Variants in STK31 observed in about 807,000 individuals in gnomAD.
STK31 encodes the protein serine/threonine kinase 31.
STK31 carries 89 observed loss-of-function variants against 129.7 expected under a neutral mutation model. That is an observed-to-expected ratio of 0.69 (90% CI 0.58 to 0.82). STK31 has a LOEUF of 0.82. STK31 is among the 40% of genes least tolerant of loss of function. The pLI is 0.00. For missense variants in STK31, 1,187 were observed against 1,176.4 expected (o/e 1.01, Z -0.13); for synonymous variants, 448 against 395.3 (o/e 1.13, Z -1.58).
chr7:23,812,584 A>C (rs80257269), intron 22 of STK31, among the ~76,000 whole-genome samples: 1,646 of 152,042 alleles, frequency 0.011, 29 homozygotes, highest in African/African-American at 0.036. Flanking sequence ...ATATTGTTTA[A>C]TGGTGAAGTC....
At chr7:23,774,094 C>T (rs1790377342) in intron 15 of STK31, among the ~76,000 whole-genome samples, 1 of 152,102 alleles carries the variant, frequency 6.6e-6, no homozygotes, top group Admixed American at 6.5e-5. Flanking sequence ...ATCCATGTCC[C>T]TGCAAAGGAC....
At chr7:23,766,667 T>C (rs1404256936) in intron 11 of STK31, among the ~76,000 whole-genome samples, 2 of 152,186 alleles carry the variant, frequency 1.3e-5, no homozygotes, top group Non-Finnish European at 2.9e-5. Flanking sequence ...TCAGAACATG[T>C]TTATGTTTTG....
At chr7:23,722,808 C>G (rs1054725197) in intron 4 of STK31, 1 of 94,524 alleles carries the variant, frequency 1.1e-5, no homozygotes, top group Non-Finnish European at 2.8e-5. Context: ...CCCCCAGCCT[C>G]GCCGCCGCCT....
intron 6 of STK31, among the ~76,000 whole-genome samples, chr7:23,734,589 T>C (rs555785988): frequency 1.2e-4 from 19 of 152,300 alleles, no homozygotes; most frequent in African/African-American, 4.6e-4. Flanking sequence ...ATTCAGTAGC[T>C]CAAAGTTAGC....
intron 13 of STK31, among the ~76,000 whole-genome samples, chr7:23,770,042 T>C (rs1412012511): frequency 3.9e-5 from 6 of 152,200 alleles, no homozygotes; most frequent in Admixed American, 3.9e-4. Flanking sequence ...GTGGACAATC[T>C]TGTCTATATT....
chr7:23,712,896 G>A (rs1451506130), intron 3 of STK31, among the ~76,000 whole-genome samples: 2 of 152,140 alleles, frequency 1.3e-5, no homozygotes, highest in African/African-American at 4.8e-5. Flanking sequence ...AACTATACAT[G>A]ATACGGAAGG....
intron 4 of STK31, among the ~76,000 whole-genome samples, chr7:23,718,031 C>T (rs1052695835): frequency 7.9e-5 from 12 of 152,024 alleles, no homozygotes; most frequent in Non-Finnish European, 5.9e-5. Context: ...GCGAAGGTTG[C>T]AGAACAGTAT....
chr7:23,737,333 C>T (rs1471542318), intron 8 of STK31, among the ~76,000 whole-genome samples: 1 of 152,154 alleles, frequency 6.6e-6, no homozygotes, highest in South Asian at 2.1e-4. Flanking sequence ...TCAACTAAGG[C>T]AATTTTCAAA....
intron 20 of STK31, among the ~76,000 whole-genome samples, 196 bp downstream of exon 20, chr7:23,787,120 A>T (rs1584446885): frequency 6.6e-6 from 1 of 152,296 alleles, no homozygotes; most frequent in Non-Finnish European, 1.5e-5. Context: ...AGATTAAGTG[A>T]CTTGCACAGG....
intron 8 of STK31, among the ~76,000 whole-genome samples, chr7:23,739,598 C>T (rs1378034463): frequency 2.0e-5 from 3 of 152,036 alleles, no homozygotes; most frequent in Non-Finnish European, 4.4e-5. Context: ...AGGGTTTTTA[C>T]TGTTTGGGGT....
chr7:23,778,913 G>C lies in STK31; in HGVS notation c.1966-2506G>C, dbSNP rs1360356553. On this transcript the variant is annotated intron_variant, in intron 15 of 23. Transcript: ENST00000355870. ...TGTGATCCTTTGGAGGAGAAAAGAT[G>C]TTCTGGTTTTTGAAATTTTCACCCT... Among the ~76,000 whole-genome samples the C allele has an allele frequency of 4.6e-5, 7 of 152,058 alleles. No individual in the cohort carries two copies. In the South Asian group the frequency reaches 1.5e-3, roughly 32 times the overall value.
chr7:23,749,984 AG>A (rs2128090787), intron 8 of STK31, among the ~76,000 whole-genome samples: 1 of 145,486 alleles, frequency 6.9e-6, no homozygotes, highest in East Asian at 2.1e-4. Context: ...TCAGCAGGTT[AG>A]GCTCTGCTTA....
At position 23,712,153 on chromosome 7, in the gene STK31, C is replaced by T. The variant is rs1444420881; in HGVS notation, c.97+8C>T. 1 of 1,613,110 alleles carries T rather than the reference C, an allele frequency of 6.2e-7. No individual in the cohort carries two copies. The highest frequency in any genetic ancestry group is 2.2e-5 in the East Asian group (1 of 44,858). On this transcript the variant is annotated splice_region_variant and intron_variant, in intron 2 of 23. Transcript: ENST00000355870. The stretch of plus-strand genomic sequence containing the variant: ...ATACACATTACGATAAAGGTACTGA[C>T]ACTAAAAATTATTTTGGGGTGTAAG...
intron 23 of STK31, among the ~76,000 whole-genome samples, chr7:23,820,390 C>T (rs6461740): frequency 0.76 from 115,877 of 152,054 alleles, 44,743 homozygotes; most frequent in African/African-American, 0.88. Context: ...ACTGTACTTA[C>T]TTATTTCATA....
intron 8 of STK31, among the ~76,000 whole-genome samples, chr7:23,738,481 G>A (rs1787852286): frequency 1.3e-5 from 2 of 152,054 alleles, no homozygotes; most frequent in South Asian, 2.1e-4. Context: ...TCTGCCTCCC[G>A]GACTCAAGCA....
rs189641675 is a variant in STK31 at position 23,753,641 on chromosome 7, C to T, written c.1134-674C>T. ...CGTTTGTTATTGTTTGTTTTTGAAC[C>T]TGTGGTGGTAGGGGGCGCTTCTTAG... On this transcript the variant is annotated intron_variant, in intron 9 of 23. Transcript: ENST00000355870. 3.0e-3 allele frequency among the ~76,000 whole-genome samples: 463 copies of T among 152,298 alleles called. 4 individuals are homozygous for T. The highest frequency in any genetic ancestry group is 0.01 in the African/African-American group (421 of 41,570).
intron 10 of STK31, among the ~76,000 whole-genome samples, chr7:23,757,506 T>G (rs965175556): frequency 6.6e-6 from 1 of 151,916 alleles, no homozygotes; most frequent in Non-Finnish European, 1.5e-5. Context: ...ATAAACAAGG[T>G]TAGAAAATGT....
intron 22 of STK31, 124 bp downstream of exon 22, chr7:23,791,070 A>T: frequency 9.8e-6 from 10 of 1,017,082 alleles, no homozygotes; most frequent in Non-Finnish European, 1.3e-5. Context: ...TTTAAGTTTT[A>T]ACAAAAACTA....
intron 22 of STK31, among the ~76,000 whole-genome samples, chr7:23,803,735 C>T (rs1303721499): frequency 2.6e-5 from 4 of 152,190 alleles, no homozygotes; most frequent in African/African-American, 7.2e-5. Context: ...CTCCTTCCTC[C>T]TACCCTCTGC....
Sources: gnomAD v4.1 joint callset for allele counts (sites outside exome capture counted in the v4.1 genomes callset) on GRCh38, gnomAD v4.1.1 for gene constraint, MANE v1.5 for transcripts, NCBI Gene and HGNC (gene_info 2026-07-23, HGNC 2026-07-21) for gene names.